ANK3: variants seen among roughly 807,000 people sequenced by gnomAD.
ANK3 encodes the protein ankyrin 3, also known as ankyrin-3.
Under a neutral mutation model 370.9 loss-of-function variants are expected in ANK3, and 57 were observed. The observed-to-expected ratio is 0.15, with a 90% CI of 0.12 to 0.19. ANK3 has a LOEUF of 0.19. ANK3 is among the 10% of genes least tolerant of loss of function. The pLI, the probability that ANK3 is intolerant of heterozygous loss-of-function variation, is 1.00. For synonymous variants in ANK3, 1,929 were observed against 1,946.3 expected (o/e 0.99, Z 0.23); for missense variants, 4,439 against 5,302.1 (o/e 0.84, Z 5.06).
intron 2 of ANK3, among the ~76,000 whole-genome samples, chr10:60,486,811 T>A (rs200293749): frequency 0.39 from 59,083 of 151,758 alleles, 11,723 homozygotes; most frequent in Middle Eastern, 0.42. Flanking sequence ...TATATTCAAT[T>A]AACACTAAAA....
At chr10:60,396,396 A>G (rs12416380) in intron 2 of ANK3, among the ~76,000 whole-genome samples, 14,928 of 152,216 alleles carry the variant, frequency 0.098, 1,094 homozygotes, top group East Asian at 0.26. Flanking sequence ...CAAGAAATTC[A>G]TTTAATAGTG....
At chr10:60,244,642 T>C (rs2097526190) in intron 7 of ANK3, among the ~76,000 whole-genome samples, 1 of 152,220 alleles carries the variant, frequency 6.6e-6, no homozygotes, top group Non-Finnish European at 1.5e-5. Context: ...TCTATTTTCT[T>C]ATACTTTGGC....
intron 2 of ANK3, among the ~76,000 whole-genome samples, chr10:60,547,894 T>C (rs563280908): frequency 6.6e-6 from 1 of 152,158 alleles, no homozygotes; most frequent in African/African-American, 2.4e-5. Context: ...CATCTGGACA[T>C]CATAGCCCTA....
intron 43 of ANK3, among the ~76,000 whole-genome samples, chr10:60,040,511 C>T (rs2075894807): frequency 6.6e-6 from 1 of 152,184 alleles, no homozygotes; most frequent in Admixed American, 6.5e-5. Context: ...TTTGCTTTAG[C>T]TGAAGTTATT....
chr10:60,587,693 A>T (rs1033011218), intron 2 of ANK3, among the ~76,000 whole-genome samples: 11 of 152,194 alleles, frequency 7.2e-5, no homozygotes, highest in Non-Finnish European at 2.9e-5. Flanking sequence ...ATAATACTTT[A>T]AAAAATACCC....
chr10:60,695,106 T>C (rs1419191315), intron 1 of ANK3, among the ~76,000 whole-genome samples: 2 of 151,172 alleles, frequency 1.3e-5, no homozygotes, highest in Non-Finnish European at 2.9e-5. Flanking sequence ...TCCTAGTCTC[T>C]GATAAAACAG....
chr10:60,515,259 T>A (rs1454734134), intron 2 of ANK3, among the ~76,000 whole-genome samples: 1 of 152,144 alleles, frequency 6.6e-6, no homozygotes, highest in African/African-American at 2.4e-5. Flanking sequence ...GTGTTCTTAT[T>A]ACTTAGGGAA....
intron 24 of ANK3, 22 bp from the exon 25 acceptor site, chr10:60,134,395 A>G (rs2094235743): frequency 6.3e-7 from 1 of 1,582,640 alleles, no homozygotes; most frequent in South Asian, 1.1e-5. Flanking sequence ...ACAGTTAACC[A>G]TTCAACAGTG....
intron 2 of ANK3, among the ~76,000 whole-genome samples, chr10:60,522,931 C>T (rs560556778): frequency 2.0e-4 from 30 of 152,128 alleles, no homozygotes; most frequent in African/African-American, 7.2e-4. Context: ...ACCTCTTCTA[C>T]AAGAAAGATG....
intron 2 of ANK3, among the ~76,000 whole-genome samples, chr10:60,418,715 G>GAA (rs879309416): frequency 7.4e-6 from 1 of 134,292 alleles, no homozygotes; most frequent in Non-Finnish European, 1.6e-5. Context: ...ACTTACGCTA[G>GAA]AAAAAAAAAA....
intron 42 of ANK3, chr10:60,044,895 T>C (rs1189995258): frequency 6.6e-6 from 1 of 151,354 alleles, no homozygotes; most frequent in African/African-American, 2.4e-5. Context: ...AGAGAGAATC[T>C]TGAAGACTGA....
At chr10:60,557,842 T>A (rs2077245054) in intron 2 of ANK3, among the ~76,000 whole-genome samples, 1 of 152,200 alleles carries the variant, frequency 6.6e-6, no homozygotes, top group Admixed American at 6.5e-5. Context: ...ATTTTAAAAT[T>A]CAAAACACTT....
intron 28 of ANK3, among the ~76,000 whole-genome samples, chr10:60,105,045 A>G (rs2091970228): frequency 6.6e-6 from 1 of 152,178 alleles, no homozygotes. Context: ...AAAGTCAGTG[A>G]ATTGAAAAAG....
At chr10:60,111,672 C>G (rs10821675) in intron 26 of ANK3, 313,425 of 446,230 alleles carry the variant, frequency 0.7, 111,184 homozygotes, top group East Asian at 0.93. Context: ...CTAACTATGG[C>G]AAAAATTCAC....
intron 2 of ANK3, among the ~76,000 whole-genome samples, chr10:60,588,554 C>T (rs1000942868): frequency 6.6e-6 from 1 of 151,716 alleles, no homozygotes; most frequent in African/African-American, 2.4e-5. Context: ...TAACCAATAT[C>T]ACAGGGATGC....
intron 5 of ANK3, among the ~76,000 whole-genome samples, chr10:60,265,804 A>C (rs1032098426): frequency 2.6e-5 from 4 of 152,122 alleles, no homozygotes; most frequent in Non-Finnish European, 5.9e-5. Flanking sequence ...ACTTATATCC[A>C]AGATGTGCAA....
chr10:60,556,368 T>C (rs1407739124), intron 2 of ANK3, among the ~76,000 whole-genome samples: 1 of 152,182 alleles, frequency 6.6e-6, no homozygotes, highest in African/African-American at 2.4e-5. Context: ...CATGTTGTGT[T>C]ATGGGATGTA....
chr10:60,253,798 T>C (rs1362672538), intron 7 of ANK3, among the ~76,000 whole-genome samples: 2 of 152,224 alleles, frequency 1.3e-5, no homozygotes, highest in Non-Finnish European at 2.9e-5. Context: ...TTGTCTTTAA[T>C]GCTGTTGAGC....
intron 2 of ANK3, among the ~76,000 whole-genome samples, chr10:60,555,399 G>A (rs2077184164): frequency 6.6e-6 from 1 of 152,076 alleles, no homozygotes; most frequent in African/African-American, 2.4e-5. Context: ...CTTGAGCCCA[G>A]GAGTTGGAGG....
Sources: gnomAD v4.1 joint callset for allele counts (sites outside exome capture counted in the v4.1 genomes callset) on GRCh38, gnomAD v4.1.1 for gene constraint, MANE v1.5 for transcripts, NCBI Gene and HGNC (gene_info 2026-07-23, HGNC 2026-07-21) for gene names.